RANBP2: variants seen among roughly 807,000 people sequenced by gnomAD.
RANBP2 encodes RAN binding protein 2.
A neutral mutation model predicts 303.6 loss-of-function variants in RANBP2; 57 were observed. The observed-to-expected ratio is 0.19, with a 90% CI of 0.15 to 0.23. The LOEUF (loss-of-function observed/expected upper bound fraction) is 0.23. Ranked by LOEUF, RANBP2 falls within the 10% of genes least tolerant of loss-of-function variation. The pLI, the probability that RANBP2 is intolerant of heterozygous loss-of-function variation, is 1.00. For synonymous variants in RANBP2, 1,167 were observed against 1,301.5 expected (o/e 0.90, Z 2.23); for missense variants, 3,138 against 3,780.8 (o/e 0.83, Z 4.46).
At chr2:109,147,348 T>C in the RANBP2 span, among the ~76,000 whole-genome samples, 1 of 152,202 alleles carries the variant, frequency 6.6e-6, no homozygotes, top group Non-Finnish European at 1.5e-5. Flanking sequence ...GACGAGACTA[T>C]CTCTGCGCTG....
At chr2:108,751,844 A>G (rs373378139) in intron 11 of RANBP2, 27 bp from the exon 12 acceptor site, 12 of 1,612,026 alleles carry the variant, frequency 7.4e-6, no homozygotes, top group Non-Finnish European at 1.0e-5. Context: ...TTAGAAAGCA[A>G]TTTTAGTAAA....
chr2:109,404,601 G>A, the RANBP2 span, among the ~76,000 whole-genome samples: 34 of 152,152 alleles, frequency 2.2e-4, no homozygotes, highest in Non-Finnish European at 3.5e-4. Context: ...AGGCTGCCAC[G>A]GGCACACAGG....
the RANBP2 span, among the ~76,000 whole-genome samples, chr2:109,052,832 A>G: frequency 1.3e-5 from 2 of 152,166 alleles, no homozygotes; most frequent in African/African-American, 4.8e-5. Flanking sequence ...CAACAGTGGA[A>G]TGGGAGAATC....
At chr2:108,752,929 T>A in intron 12 of RANBP2, 69 bp from the exon 13 acceptor site, 1 of 1,607,410 alleles carries the variant, frequency 6.2e-7, no homozygotes, top group Non-Finnish European at 8.5e-7. Context: ...TTCTTTCAAC[T>A]TGTAAATGAA....
At chr2:109,241,623 G>A in the RANBP2 span, among the ~76,000 whole-genome samples, 2 of 152,046 alleles carry the variant, frequency 1.3e-5, no homozygotes, top group Non-Finnish European at 2.9e-5. Context: ...CTGCTGGGAG[G>A]GCCCCTGGGA....
the RANBP2 span, among the ~76,000 whole-genome samples, chr2:109,446,842 C>A: frequency 6.6e-6 from 1 of 152,212 alleles, no homozygotes; most frequent in Middle Eastern, 3.4e-3. Flanking sequence ...TAGAGGCCAG[C>A]CACGCACAGC....
chr2:109,669,607 G>A, the RANBP2 span, among the ~76,000 whole-genome samples: 5 of 152,122 alleles, frequency 3.3e-5, no homozygotes, highest in Non-Finnish European at 5.9e-5. Context: ...AATTCAGAAC[G>A]GCCACTATGA....
At chr2:109,276,009 A>G in the RANBP2 span, among the ~76,000 whole-genome samples, 10 of 152,208 alleles carry the variant, frequency 6.6e-5, no homozygotes, top group Admixed American at 5.2e-4. Flanking sequence ...TTGGTCTCCA[A>G]TCCTGGAGAG....
At chr2:108,847,116 G>A in the RANBP2 span, among the ~76,000 whole-genome samples, 1,516 of 152,236 alleles carry the variant, frequency 1.0e-2, 12 homozygotes, top group Middle Eastern at 0.024. Flanking sequence ...TCTTTAGTTG[G>A]ATTCTTGCCT....
At chr2:109,376,141 C>T in the RANBP2 span, among the ~76,000 whole-genome samples, 7 of 152,222 alleles carry the variant, frequency 4.6e-5, no homozygotes, top group South Asian at 2.1e-4. Context: ...AGCTGCTCCT[C>T]GGTCCATTGC....
At chr2:108,731,298 C>T (rs1558876267) in intron 3 of RANBP2, 24 bp from the exon 4 acceptor site, 2 of 1,608,826 alleles carry the variant, frequency 1.2e-6, no homozygotes, top group Non-Finnish European at 8.5e-7. Flanking sequence ...ATTTACTAAT[C>T]TTTAATTTCT....
At chr2:109,413,901 C>T in the RANBP2 span, among the ~76,000 whole-genome samples, 11 of 152,018 alleles carry the variant, frequency 7.2e-5, no homozygotes, top group East Asian at 1.9e-3. Flanking sequence ...GGTGTAACTC[C>T]CCACCAGTGG....
At chr2:109,486,447 A>G in the RANBP2 span, among the ~76,000 whole-genome samples, 1 of 152,220 alleles carries the variant, frequency 6.6e-6, no homozygotes, top group Non-Finnish European at 1.5e-5. Context: ...ACAAAAATAT[A>G]TTGGGAACTA....
chr2:109,408,536 G>A, the RANBP2 span, among the ~76,000 whole-genome samples: 1 of 152,204 alleles, frequency 6.6e-6, no homozygotes, highest in African/African-American at 2.4e-5. Flanking sequence ...GCCCAGGCCG[G>A]GTTCGCTCTC....
At chr2:109,104,951 T>C in the RANBP2 span, among the ~76,000 whole-genome samples, 3 of 152,162 alleles carry the variant, frequency 2.0e-5, no homozygotes, top group African/African-American at 4.8e-5. Context: ...GGTTTGCAGA[T>C]GAAGGACCTG....
chr2:109,662,018 G>A, the RANBP2 span, among the ~76,000 whole-genome samples: 1 of 152,184 alleles, frequency 6.6e-6, no homozygotes, highest in East Asian at 1.9e-4. Flanking sequence ...CCCAGCTACT[G>A]CCCTTCAGGG....
the RANBP2 span, among the ~76,000 whole-genome samples, chr2:109,234,791 G>C: frequency 2.6e-5 from 4 of 152,174 alleles, no homozygotes; most frequent in African/African-American, 9.7e-5. Context: ...CTTCACACCT[G>C]ACTTCCTGGG....
intron 23 of RANBP2, among the ~76,000 whole-genome samples, chr2:108,773,660 T>G (rs749946): frequency 0.26 from 39,086 of 149,446 alleles, 5,392 homozygotes; most frequent in African/African-American, 0.36. Context: ...TTTTTTTTTT[T>G]GGGGGGGGAT....
chr2:109,587,650 AC>A, the RANBP2 span, among the ~76,000 whole-genome samples: 1 of 152,162 alleles, frequency 6.6e-6, no homozygotes, highest in African/African-American at 2.4e-5. Context: ...GTGGTGGCTC[AC>A]GCCTGTAATC....
Sources: gnomAD v4.1 joint callset for allele counts (sites outside exome capture counted in the v4.1 genomes callset) on GRCh38, gnomAD v4.1.1 for gene constraint, MANE v1.5 for transcripts, NCBI Gene and HGNC (gene_info 2026-07-23, HGNC 2026-07-21) for gene names.